The following RNF169 variants were observed in gnomAD, a reference collection of about 807,000 sequenced individuals.
The protein encoded by RNF169 is ring finger protein 169.
A neutral mutation model predicts 53.9 loss-of-function variants in RNF169; 24 were observed. The observed-to-expected ratio is 0.45, with a 90% CI of 0.32 to 0.63. The LOEUF (loss-of-function observed/expected upper bound fraction) is 0.63. Among genes scored for constraint, RNF169 ranks in the 20% least tolerant of loss-of-function variants. The pLI is 0.04. For missense variants in RNF169, 883 were observed against 906.2 expected, an observed-to-expected ratio of 0.97 and a Z score of 0.33; for synonymous variants, 396 against 363.5, an observed-to-expected ratio of 1.09 and a Z score of -1.02.
At chr11:74,763,235 C>G (rs1349268529) in intron 1 of RNF169, among the ~76,000 whole-genome samples, 2 of 152,262 alleles carry the variant, frequency 1.3e-5, no homozygotes, top group Non-Finnish European at 2.9e-5. Flanking sequence ...GGAAAAGACT[C>G]TGAGAGGTAC....
chr11:74,814,380 C>CTTTT (rs35427771), intron 3 of RNF169, among the ~76,000 whole-genome samples: 14 of 96,224 alleles, frequency 1.5e-4, no homozygotes, highest in East Asian at 3.3e-4. Flanking sequence ...TCTTTCTTGC[C>CTTTT]TTTTTTTTTT....
intron 2 of RNF169, among the ~76,000 whole-genome samples, chr11:74,798,953 C>G (rs896452948): frequency 6.6e-6 from 1 of 151,628 alleles, no homozygotes; most frequent in African/African-American, 2.4e-5. Flanking sequence ...ACTCAGGAGG[C>G]TGAGCTGGGG....
chr11:74,798,270 T>C (rs577238660), intron 2 of RNF169, among the ~76,000 whole-genome samples: 1 of 152,260 alleles, frequency 6.6e-6, no homozygotes, highest in East Asian at 1.9e-4. Flanking sequence ...ATGGGAAAAA[T>C]ATCGCTGAAT....
intron 2 of RNF169, among the ~76,000 whole-genome samples, chr11:74,795,531 C>T (rs1268221828): frequency 6.6e-6 from 1 of 152,302 alleles, no homozygotes; most frequent in Non-Finnish European, 1.5e-5. Flanking sequence ...TGGGCAAATA[C>T]AATCCCTTCA....
At chr11:74,822,230 C>T (rs144492583) in intron 4 of RNF169, among the ~76,000 whole-genome samples, 8 of 152,040 alleles carry the variant, frequency 5.3e-5, no homozygotes, top group Non-Finnish European at 8.8e-5. Context: ...AGCAATTGAG[C>T]GCATAAGCTG....
intron 4 of RNF169, chr11:74,831,697 A>G (rs1388521497): frequency 2.6e-5 from 4 of 151,762 alleles, no homozygotes; most frequent in Non-Finnish European, 5.9e-5. Context: ...CAATCTTGAA[A>G]AAAAAAAAAA....
intron 2 of RNF169, among the ~76,000 whole-genome samples, chr11:74,801,177 A>G (rs1379603945): frequency 2.6e-5 from 4 of 152,232 alleles, no homozygotes; most frequent in Admixed American, 2.0e-4. Context: ...TCATAAGAGC[A>G]AGTCAGATGC....
chr11:74,802,263 A>G (rs1040630379), intron 2 of RNF169, among the ~76,000 whole-genome samples: 2 of 152,234 alleles, frequency 1.3e-5, no homozygotes, highest in Admixed American at 6.5e-5. Context: ...TTGAGAGTAC[A>G]GTAGTTCATC....
chr11:74,763,666 AAG>A (rs1472587404), intron 1 of RNF169, among the ~76,000 whole-genome samples: 2 of 152,202 alleles, frequency 1.3e-5, no homozygotes, highest in Non-Finnish European at 2.9e-5. Context: ...CAAAATATGA[AAG>A]AAGGTGAAGA....
chr11:74,748,944 C>T lies in RNF169; in HGVS notation c.64C>T (p.Arg22Trp). The change falls in exon 1 of 6, where the codon CGG (arginine) becomes TGG (tryptophan). Residue 22 changes from arginine to tryptophan, a missense_variant. By Grantham distance (101) the Arg-to-Trp change is moderately radical. Coordinates refer to ENST00000299563, the MANE Select transcript of RNF169 (RefSeq NM_001098638.2). The stretch of plus-strand genomic sequence containing the variant: ...GGCGGCAGCAGCCGCTCTGAGTCGG[C>T]GGGGCCGGCGGGGCCGCTGTGACGA... ...SAAAAAALSR[R>W]GRRGRCDETA... 4 of 1,452,230 alleles carry T rather than the reference C, an allele frequency of 2.8e-6. No individual in the cohort carries two copies. Among genetic ancestry groups the T allele is most frequent in the East Asian group, 2.9e-5 (1 of 34,498 alleles). 90.0% of individuals were successfully genotyped at this position (1,452,230 alleles called of 1,614,324 possible).
chr11:74,748,873 G>GAAACAAGATGGCGGCTGCAGGT lies in RNF169; in HGVS notation c.-7_15dup. On this transcript the variant is annotated 5_prime_UTR_variant, in exon 1 of 6. In the 5' UTR this introduces an upstream ATG that the reference lacks. Transcript: ENST00000299563. ...CGCAACCGACTCTCCCTTCAAACGG[G>GAAACAAGATGGCGGCTGCAGGT]AAACAAGATGGCGGCTGCAGGTCCG... The GAAACAAGATGGCGGCTGCAGGT allele has an allele frequency of 7.1e-7, 1 of 1,406,884 alleles. No homozygotes were observed. Among genetic ancestry groups the GAAACAAGATGGCGGCTGCAGGT allele is most frequent in the Non-Finnish European group, 9.4e-7 (1 of 1,069,136 alleles). The allele number at this position is 1,406,884 out of a possible 1,614,324, so 87.2% of individuals were successfully genotyped here.
intron 4 of RNF169, among the ~76,000 whole-genome samples, chr11:74,827,442 G>A (rs553742843): frequency 6.6e-6 from 1 of 152,330 alleles, no homozygotes; most frequent in South Asian, 2.1e-4. Context: ...CATTGTCTTG[G>A]CAATTAACAT....
chr11:74,786,651 A>C (rs185560206), intron 1 of RNF169, among the ~76,000 whole-genome samples: 1 of 152,198 alleles, frequency 6.6e-6, no homozygotes, highest in African/African-American at 2.4e-5. Flanking sequence ...ACCAGAGACA[A>C]TTTTATACTC....
intron 4 of RNF169, among the ~76,000 whole-genome samples, chr11:74,824,650 G>C (rs1422650088): frequency 6.6e-6 from 1 of 152,188 alleles, no homozygotes; most frequent in Non-Finnish European, 1.5e-5. Flanking sequence ...GAAAAAGTTT[G>C]AAATATTGTG....
At chr11:74,797,862 T>C (rs907049027) in intron 2 of RNF169, among the ~76,000 whole-genome samples, 2 of 152,138 alleles carry the variant, frequency 1.3e-5, no homozygotes, top group African/African-American at 4.8e-5. Flanking sequence ...CAGAAGAACA[T>C]GGATTGTGAA....
intron 1 of RNF169, among the ~76,000 whole-genome samples, chr11:74,785,329 A>G (rs1172554556): frequency 6.8e-6 from 1 of 146,400 alleles, no homozygotes; most frequent in Non-Finnish European, 1.5e-5. Context: ...TATATATTAT[A>G]TATAAAATTT....
At position 74,840,485 on chromosome 11, in the gene RNF169, T is replaced by C. The variant is rs1002538904; in HGVS notation, c.*3755T>C. ...CTAGTGATTACAGGACATTAACATC[T>C]CTTCAGAAGCTGCTTTTAGCTTAAG... On this transcript the variant is annotated 3_prime_UTR_variant, in exon 6 of 6. Transcript: ENST00000299563. 6.6e-6 allele frequency: 1 copy of C among 152,218 alleles called. No individual in the cohort carries two copies. The highest frequency in any genetic ancestry group is 1.5e-5 in the Non-Finnish European group (1 of 68,046). The allele number at this position is 152,218 out of a possible 1,614,324, so 9.4% of individuals were successfully genotyped here. A position where few individuals can be genotyped will look rare whatever the true frequency, so the allele number is the denominator to read the frequency against.
intron 2 of RNF169, among the ~76,000 whole-genome samples, chr11:74,799,173 G>A (rs1239248511): frequency 6.7e-6 from 1 of 148,278 alleles, no homozygotes; most frequent in Non-Finnish European, 1.5e-5. Context: ...TTTAGCATGT[G>A]CTAGCATATC....
intron 4 of RNF169, among the ~76,000 whole-genome samples, chr11:74,830,286 G>C (rs2036158794): frequency 2.0e-5 from 3 of 151,334 alleles, no homozygotes; most frequent in Non-Finnish European, 2.9e-5. Flanking sequence ...TTTAACGACT[G>C]GTCAAGAAAA....
Sources: allele counts gnomAD v4.1 joint callset (sites outside exome capture counted in the v4.1 genomes callset), GRCh38; gene constraint gnomAD v4.1.1; transcripts MANE v1.5; gene names NCBI Gene and HGNC (gene_info 2026-07-23, HGNC 2026-07-21).